KLF13: variants seen among roughly 807,000 people sequenced by gnomAD.
The protein encoded by KLF13 is KLF transcription factor 13.
KLF13 carries 8 observed loss-of-function variants against 16.7 expected under a neutral mutation model. That is an observed-to-expected ratio of 0.48 (90% CI 0.28 to 0.87). The LOEUF is 0.87. Ranked by LOEUF, KLF13 falls within the 40% of genes least tolerant of loss-of-function variation. KLF13 has a pLI of 0.10. For missense variants in KLF13, 447 were observed against 452.2 expected, an observed-to-expected ratio of 0.99 and a Z score of 0.10; for synonymous variants, 245 against 208.4, an observed-to-expected ratio of 1.18 and a Z score of -1.51.
intron 1 of KLF13, chr15:31,420,150 C>A: frequency 4.2e-6 from 2 of 476,300 alleles, no homozygotes; most frequent in African/African-American, 2.0e-5. Context: ...GACCATAACC[C>A]AGCAGCCACT....
chr15:31,333,190 C>T (rs1007073062), intron 1 of KLF13, among the ~76,000 whole-genome samples: 2 of 152,164 alleles, frequency 1.3e-5, no homozygotes, highest in African/African-American at 4.8e-5. Flanking sequence ...ATGAAGTAGG[C>T]TCTATTATTA....
chr15:31,376,266 G>GT lies in KLF13; in HGVS notation c.*3970dup, dbSNP rs1162664359. 3 of 152,054 alleles carry GT rather than the reference G, an allele frequency of 2.0e-5. No homozygotes were observed. Among genetic ancestry groups the GT allele is most frequent in the African/African-American group, 7.3e-5 (3 of 41,226 alleles). 9.4% of individuals were successfully genotyped at this position (152,054 alleles called of 1,614,324 possible). ...GTGATCTGAGCAATAGTGTGGCCTT[G>GT]TTTCTCCGCTTCTGGTTGTGGCTGT... On this transcript the variant is annotated 3_prime_UTR_variant, in exon 2 of 2. Coordinates refer to ENST00000307145, the MANE Select transcript of KLF13 (RefSeq NM_015995.4).
chr15:31,420,603 C>T (rs1278474035), intron 1 of KLF13: 1 of 434,396 alleles, frequency 2.3e-6, no homozygotes, highest in Non-Finnish European at 4.3e-6. Flanking sequence ...TGGAAAAACC[C>T]TACAGCTTTT....
chr15:31,394,170 TGAGTAAGAATGTAGG>T (rs2039919225), intron 2 of KLF13, among the ~76,000 whole-genome samples: 1 of 152,064 alleles, frequency 6.6e-6, no homozygotes, highest in Non-Finnish European at 1.5e-5. Flanking sequence ...CAATCCTACC[TGAGTAAGAATGTAGG>T]GAGTATTTTG....
chr15:31,415,385 A>G, intron 1 of KLF13, among the ~76,000 whole-genome samples: 1 of 152,240 alleles, frequency 6.6e-6, no homozygotes, highest in Non-Finnish European at 1.5e-5. Flanking sequence ...CCATATGCTA[A>G]ACCATAAAGC....
chr15:31,369,496 T>C (rs1216398291), intron 1 of KLF13, among the ~76,000 whole-genome samples: 3 of 152,232 alleles, frequency 2.0e-5, no homozygotes, highest in Non-Finnish European at 4.4e-5. Context: ...TGAACCACAA[T>C]TTTTTTGTAT....
chr15:31,429,204 AG>A (rs760062689), intron 1 of KLF13, among the ~76,000 whole-genome samples: 19,905 of 152,136 alleles, frequency 0.13, 3,843 homozygotes, highest in African/African-American at 0.42. Flanking sequence ...TTTTCAGTGC[AG>A]CGTTTTCAGG....
chr15:31,413,208 A>AC (rs1203955297), intron 1 of KLF13, among the ~76,000 whole-genome samples: 1 of 150,774 alleles, frequency 6.6e-6, no homozygotes, highest in African/African-American at 2.4e-5. Flanking sequence ...AAAAACAAAA[A>AC]ACAAAAAAAC....
chr15:31,390,750 A>G (rs77611231), upstream of KLF13, among the ~76,000 whole-genome samples: 4,449 of 151,776 alleles, frequency 0.029, 209 homozygotes, highest in African/African-American at 0.1. Flanking sequence ...TGGAATTCCT[A>G]TTAGTTGAAG....
chr15:31,359,918 AC>A (rs1463302241), intron 1 of KLF13, among the ~76,000 whole-genome samples: 1 of 152,030 alleles, frequency 6.6e-6, no homozygotes, highest in Non-Finnish European at 1.5e-5. Flanking sequence ...TGAGCCCTCC[AC>A]CCCGCATGTT....
intron 1 of KLF13, among the ~76,000 whole-genome samples, chr15:31,337,080 C>G (rs1313172759): frequency 6.6e-6 from 1 of 152,208 alleles, no homozygotes; most frequent in Admixed American, 6.5e-5. Flanking sequence ...GTTGTCCTCA[C>G]CTGCATGACT....
chr15:31,423,142 T>TATATAC (rs1566848334), intron 1 of KLF13, among the ~76,000 whole-genome samples: 3 of 101,850 alleles, frequency 2.9e-5, no homozygotes, highest in African/African-American at 7.5e-5. Context: ...CGTATACGTA[T>TATATAC]ACGTATATAT....
intron 2 of KLF13, among the ~76,000 whole-genome samples, chr15:31,397,246 C>CGGGCA (rs370894520): frequency 4.1e-3 from 12 of 2,914 alleles, no homozygotes; most frequent in East Asian, 8.9e-3. Flanking sequence ...TGGGGTGGGG[C>CGGGCA]GGGCAGGGCA....
intron 1 of KLF13, among the ~76,000 whole-genome samples, chr15:31,426,835 C>T (rs2040406697): frequency 6.6e-6 from 1 of 152,138 alleles, no homozygotes. Context: ...TCACTGTGGG[C>T]AGGCACCCCA....
rs1755207115 is a variant in KLF13 at position 31,377,686 on chromosome 15, C to T, written c.*5387C>T. 6.6e-6 allele frequency: 1 copy of T among 152,620 alleles called. No homozygotes were observed. The highest frequency in any genetic ancestry group is 1.5e-5 in the Non-Finnish European group (1 of 68,032). 9.5% of individuals were successfully genotyped at this position (152,620 alleles called of 1,614,324 possible). A position where few individuals can be genotyped will look rare whatever the true frequency, so the allele number is the denominator to read the frequency against. On this transcript the variant is annotated 3_prime_UTR_variant, in exon 2 of 2. Coordinates refer to ENST00000307145, the MANE Select transcript of KLF13 (RefSeq NM_015995.4). Reference sequence around the variant, plus strand: ...GCCACGTTTCATCTTTCCTGGATCACTACAGTGAAGTATTACAGTTGTACA... The same window carrying T: ...GCCACGTTTCATCTTTCCTGGATCATTACAGTGAAGTATTACAGTTGTACA...
At chr15:31,335,481 T>TGGG (rs2038915916) in intron 1 of KLF13, among the ~76,000 whole-genome samples, 2 of 6,896 alleles carry the variant, frequency 2.9e-4, no homozygotes, top group African/African-American at 5.7e-4. Flanking sequence ...GTGTGTATGG[T>TGGG]GGCGGGGCAG....
At chr15:31,430,596 C>T (rs1210738286) in intron 1 of KLF13, among the ~76,000 whole-genome samples, 1 of 152,176 alleles carries the variant, frequency 6.6e-6, no homozygotes, top group East Asian at 1.9e-4. Flanking sequence ...ACTCTGCCCT[C>T]GTGGCCTAAC....
chr15:31,355,217 AGT>A (rs897218532), intron 1 of KLF13, among the ~76,000 whole-genome samples: 1 of 152,206 alleles, frequency 6.6e-6, no homozygotes, highest in African/African-American at 2.4e-5. Flanking sequence ...GTGCTCAGTA[AGT>A]GTCTCCTGTG....
intron 1 of KLF13, among the ~76,000 whole-genome samples, chr15:31,357,220 G>A (rs958466925): frequency 6.6e-6 from 1 of 152,190 alleles, no homozygotes; most frequent in Non-Finnish European, 1.5e-5. Flanking sequence ...GGCACATGCG[G>A]TTCTTGTTTC....
Sources: gnomAD v4.1 joint callset for allele counts (sites outside exome capture counted in the v4.1 genomes callset) on GRCh38, gnomAD v4.1.1 for gene constraint, MANE v1.5 for transcripts, NCBI Gene and HGNC (gene_info 2026-07-23, HGNC 2026-07-21) for gene names.